Variants in SLC30A10 observed in about 807,000 individuals in gnomAD.
SLC30A10 encodes calcium/manganese antiporter SLC30A10.
Under a neutral mutation model 21.7 loss-of-function variants are expected in SLC30A10, and 8 were observed. That is an observed-to-expected ratio of 0.37 (90% CI 0.22 to 0.67). The LOEUF (loss-of-function observed/expected upper bound fraction) is 0.67. Among genes scored for constraint, SLC30A10 ranks in the 30% least tolerant of loss-of-function variants. SLC30A10 has a pLI of 0.58. For synonymous variants in SLC30A10, 272 were observed against 279.4 expected, an observed-to-expected ratio of 0.97 and a Z score of 0.26; for missense variants, 521 against 642.5, an observed-to-expected ratio of 0.81 and a Z score of 2.04.
intron 1 of SLC30A10, among the ~76,000 whole-genome samples, chr1:219,953,673 TA>T: frequency 1.7e-5 from 1 of 57,160 alleles, no homozygotes; most frequent in South Asian, 4.7e-4. Flanking sequence ...AATTTTATTT[TA>T]TTTTATTTTA....
intron 1 of SLC30A10, among the ~76,000 whole-genome samples, chr1:219,957,960 A>C (rs1179812821): frequency 6.6e-6 from 1 of 152,222 alleles, no homozygotes; most frequent in African/African-American, 2.4e-5. Context: ...CAAACAGAAC[A>C]GACGTATGCA....
chr1:219,936,689 C>T (rs766698701), intron 1 of SLC30A10, among the ~76,000 whole-genome samples: 4 of 152,192 alleles, frequency 2.6e-5, no homozygotes, highest in Non-Finnish European at 4.4e-5. Context: ...ATCCTGTCTT[C>T]CCCTGCTTCT....
chr1:219,939,002 C>T (rs1312453050), intron 1 of SLC30A10, among the ~76,000 whole-genome samples: 2 of 152,122 alleles, frequency 1.3e-5, no homozygotes, highest in South Asian at 2.1e-4. Flanking sequence ...TTTTTAAGAG[C>T]AATTTTTATT....
rs1284493579 is a variant in SLC30A10 at position 219,928,260 on chromosome 1, C to T, written c.181G>A (p.Ala61Thr). Residue 61 changes from alanine (A) to threonine (T), a missense_variant, in exon 1 of 4, where the codon GCC becomes ACC. Transcript: ENST00000366926. This position sits in a 1 kb window ranked among gnomAD's most constrained non-coding sequence, Gnocchi z 6.3. Reference sequence around the variant, plus strand: ...CTGAAGCCCCGGGTGGGGCGCCGGGCGATGTAGCCGGCGCTCAGGCCCACG... The same window carrying T: ...CTGAAGCCCCGGGTGGGGCGCCGGGTGATGTAGCCGGCGCTCAGGCCCACG... Reference protein sequence around the residue: ...LCVGLSAGYIARRPTRGFSAT... With the variant: ...LCVGLSAGYITRRPTRGFSAT... 4.4e-6 allele frequency: 7 copies of T among 1,588,164 alleles called. No homozygotes were observed. Among genetic ancestry groups the T allele is most frequent in the East Asian group, 2.3e-5 (1 of 43,842 alleles).
intron 1 of SLC30A10, among the ~76,000 whole-genome samples, chr1:219,943,432 T>G (rs1406670136): frequency 2.0e-5 from 3 of 152,100 alleles, no homozygotes; most frequent in African/African-American, 2.4e-5. Flanking sequence ...GGACTTCCAT[T>G]CTCATCTTAA....
intron 1 of SLC30A10, among the ~76,000 whole-genome samples, chr1:219,940,121 G>A (rs762377273): frequency 3.3e-5 from 5 of 152,156 alleles, no homozygotes; most frequent in African/African-American, 7.2e-5. Context: ...CCACAGACTC[G>A]AAGGTTGAAT....
chr1:219,915,413 G>GC lies in SLC30A10; in HGVS notation c.*35dup. The GC allele has an allele frequency of 6.3e-7, 1 of 1,580,424 alleles. No individual in the cohort carries two copies. Among genetic ancestry groups the GC allele is most frequent in the Non-Finnish European group, 8.6e-7 (1 of 1,163,244 alleles). ...TGAGCCAAGCTTGTGGTTCCAAAGT[G>GC]CCTCGTCTATATGGTCTGATTATGT... On this transcript the variant is annotated 3_prime_UTR_variant, in exon 4 of 4. Transcript: ENST00000366926.
In SLC30A10 at chr1:219,915,309, A is replaced by T; in HGVS notation, c.*140T>A. 9.2e-7 allele frequency: 1 copy of T among 1,092,824 alleles called. No homozygotes were observed. 67.7% of individuals were successfully genotyped at this position (1,092,824 alleles called of 1,614,324 possible). A position where few individuals can be genotyped will look rare whatever the true frequency, so the allele number is the denominator to read the frequency against. ...CACAGACACGTTTAACTAAAATCCC[A>T]AACAGCCAACCCCTAGTGAACACAG... On this transcript the variant is annotated 3_prime_UTR_variant, in exon 4 of 4. Transcript: ENST00000366926.
At chr1:219,917,261 G>C (rs551419440) in intron 3 of SLC30A10, among the ~76,000 whole-genome samples, 8 of 152,202 alleles carry the variant, frequency 5.3e-5, no homozygotes, top group South Asian at 4.1e-4. Flanking sequence ...AAAGTGGTGA[G>C]ATTACAGGAA....
intron 2 of SLC30A10, among the ~76,000 whole-genome samples, chr1:219,921,018 A>T (rs1307821831): frequency 6.6e-6 from 1 of 152,174 alleles, no homozygotes; most frequent in Non-Finnish European, 1.5e-5. Flanking sequence ...ACACTCTTTT[A>T]AGTTGGAAAG....
At chr1:219,943,982 C>A (rs1308974490) in intron 1 of SLC30A10, among the ~76,000 whole-genome samples, 1 of 144,600 alleles carries the variant, frequency 6.9e-6, no homozygotes, top group Admixed American at 6.9e-5. Context: ...CACCTGTAGT[C>A]CCAGCTACTC....
upstream of SLC30A10, among the ~76,000 whole-genome samples, chr1:219,959,027 G>C (rs895996597): frequency 2.0e-5 from 3 of 152,306 alleles, no homozygotes; most frequent in South Asian, 6.2e-4. Flanking sequence ...ATGGCGTCTC[G>C]GTGCCCTGGC....
rs547571827 is a variant in SLC30A10 at position 219,923,382 on chromosome 1, T to C, written c.718+3646A>G. Among the ~76,000 whole-genome samples the C allele has an allele frequency of 1.1e-3, 170 of 152,286 alleles. 1 individual carries two copies. The highest frequency in any genetic ancestry group is 3.9e-3 in the African/African-American group (162 of 41,572). ...CCAAAAAACGGGCATATAACATAAA[T>C]TGGCAATTTGACACAAGTTGAAATC... On this transcript the variant is annotated intron_variant, in intron 2 of 3. Transcript: ENST00000366926.
At chr1:219,942,950 C>T (rs910239267) in intron 1 of SLC30A10, among the ~76,000 whole-genome samples, 16 of 152,128 alleles carry the variant, frequency 1.1e-4, no homozygotes, top group Non-Finnish European at 1.6e-4. Context: ...GATGCTGAGG[C>T]ACAAGGATCA....
At position 219,912,703 on chromosome 1, in the gene SLC30A10, GAGCACCTGTAATCCC is replaced by G. The variant is rs1659441818; in HGVS notation, c.*2731_*2745del. Reference sequence around the variant, plus strand: ...CAAAAAATTAGCCGGGCATGGTGGCGAGCACCTGTAATCCCAGCTACTCGGGAGGCTGAGGCAGGA... The same window carrying G: ...CAAAAAATTAGCCGGGCATGGTGGCGAGCTACTCGGGAGGCTGAGGCAGGA... On this transcript the variant is annotated 3_prime_UTR_variant, in exon 4 of 4. Transcript: ENST00000366926. 6.8e-6 allele frequency among the ~76,000 whole-genome samples: 1 copy of G among 146,814 alleles called. No homozygotes were observed. Among genetic ancestry groups the G allele is most frequent in the African/African-American group, 2.5e-5 (1 of 40,802 alleles).
chr1:219,915,390 A>G lies in SLC30A10; in HGVS notation c.*59T>C. On this transcript the variant is annotated 3_prime_UTR_variant, in exon 4 of 4. Coordinates refer to ENST00000366926, the MANE Select transcript of SLC30A10 (RefSeq NM_018713.3). ...TACAACCCAGAAAGCTCTTTTTGTG[A>G]GCCAAGCTTGTGGTTCCAAAGTGCC... The G allele has an allele frequency of 1.6e-5, 25 of 1,558,696 alleles. No homozygotes were observed. Among genetic ancestry groups the G allele is most frequent in the Non-Finnish European group, 1.9e-5 (22 of 1,152,786 alleles).
chr1:219,941,552 CCTT>C (rs1238220788), intron 1 of SLC30A10, among the ~76,000 whole-genome samples: 6 of 98,536 alleles, frequency 6.1e-5, no homozygotes, highest in African/African-American at 3.8e-4. Flanking sequence ...TTCCTTCTTT[CCTT>C]CCTTCCTTCC....
intron 2 of SLC30A10, among the ~76,000 whole-genome samples, chr1:219,926,622 AG>A (rs1453203453): frequency 6.6e-6 from 1 of 152,226 alleles, no homozygotes; most frequent in East Asian, 1.9e-4. Context: ...CTGATGCAAT[AG>A]GGTCACTCAG....
At chr1:219,955,943 A>G (rs899224917) in intron 1 of SLC30A10, among the ~76,000 whole-genome samples, 2 of 152,168 alleles carry the variant, frequency 1.3e-5, no homozygotes, top group East Asian at 3.8e-4. Flanking sequence ...GATTAATCAT[A>G]TTTGTTCTTA....
Sources: allele counts gnomAD v4.1 joint callset (sites outside exome capture counted in the v4.1 genomes callset), GRCh38; gene constraint gnomAD v4.1.1; non-coding constraint Gnocchi (gnomAD v3.1); transcripts MANE v1.5; gene names NCBI Gene and HGNC (gene_info 2026-07-23, HGNC 2026-07-21).